Variants in PTPRN2 observed in about 807,000 individuals in gnomAD.
PTPRN2 encodes the protein protein tyrosine phosphatase receptor type N2, also known as receptor-type tyrosine-protein phosphatase N2.
Under a neutral mutation model 118.8 loss-of-function variants are expected in PTPRN2, and 74 were observed. That is an observed-to-expected ratio of 0.62 (90% CI 0.52 to 0.76). The LOEUF is 0.76. Ranked by LOEUF, PTPRN2 falls within the 30% of genes least tolerant of loss-of-function variation. PTPRN2 has a pLI of 0.00. For missense variants in PTPRN2, 1,481 were observed against 1,394.4 expected, an observed-to-expected ratio of 1.06 and a Z score of -0.99; for synonymous variants, 641 against 608.0, an observed-to-expected ratio of 1.05 and a Z score of -0.80.
intron 12 of PTPRN2, among the ~76,000 whole-genome samples, chr7:157,706,728 G>A (rs1798351617): frequency 6.6e-6 from 1 of 151,374 alleles, no homozygotes; most frequent in African/African-American, 2.4e-5. Flanking sequence ...TGGGAATTGA[G>A]TGAATCTGAC....
At chr7:157,945,381 G>A (rs1800413189) in intron 11 of PTPRN2, among the ~76,000 whole-genome samples, 1 of 151,964 alleles carries the variant, frequency 6.6e-6, no homozygotes, top group Non-Finnish European at 1.5e-5. Flanking sequence ...CCCCCCGCCT[G>A]CCTCTGAAGG....
At chr7:158,259,236 A>G (rs2150919158) in intron 3 of PTPRN2, among the ~76,000 whole-genome samples, 1 of 152,324 alleles carries the variant, frequency 6.6e-6, no homozygotes, top group Admixed American at 6.5e-5. Context: ...TTTGATAACC[A>G]ACACAATGCT....
rs550384223 is a variant in PTPRN2 at position 157,839,974 on chromosome 7, GACC to G, written c.1788+58696_1788+58698del. ...ACTGTGTGGCCACGTGTGACTGTGT[GACC>G]ACATTTGACTGTGTGGCCGTGTGTG... is the stretch of plus-strand genomic sequence containing the variant. On this transcript the variant is annotated intron_variant, in intron 12 of 22. Transcript: ENST00000389418. 1.5e-4 allele frequency among the ~76,000 whole-genome samples: 22 copies of G among 151,616 alleles called. No individual in the cohort carries two copies. The South Asian group carries it at 4.0e-3, about 27-fold the overall frequency.
chr7:158,424,154 C>T (rs570897791), intron 2 of PTPRN2, among the ~76,000 whole-genome samples: 1 of 152,232 alleles, frequency 6.6e-6, no homozygotes, highest in East Asian at 1.9e-4. Context: ...TGCTCTGTGA[C>T]GTACACAAGG....
intron 2 of PTPRN2, among the ~76,000 whole-genome samples, chr7:158,351,015 G>C (rs1332278142): frequency 6.6e-6 from 1 of 152,156 alleles, no homozygotes; most frequent in African/African-American, 2.4e-5. Flanking sequence ...TCCCTGCAGA[G>C]AACAACGGCA....
intron 10 of PTPRN2, among the ~76,000 whole-genome samples, chr7:158,106,144 C>G (rs1006121999): frequency 3.3e-5 from 5 of 152,080 alleles, no homozygotes; most frequent in African/African-American, 1.2e-4. Context: ...AGCTTTTTTT[C>G]TGAGCTTCAT....
intron 2 of PTPRN2, among the ~76,000 whole-genome samples, chr7:158,417,950 C>A (rs12538060): frequency 2.2e-5 from 3 of 135,356 alleles, no homozygotes; most frequent in African/African-American, 5.6e-5. Context: ...TCATGGTGTA[C>A]TACATCGAGA....
intron 13 of PTPRN2, among the ~76,000 whole-genome samples, chr7:157,656,984 C>T (rs563356466): frequency 4.1e-5 from 6 of 146,574 alleles, no homozygotes; most frequent in African/African-American, 1.5e-4. Flanking sequence ...ACACACCACA[C>T]ACATCACACA....
Position 158,231,562 on chromosome 7 carries a change from T to C in PTPRN2, c.278-26289A>G, listed in dbSNP as rs553468881. ...CACCCCATTCTCAGTAATGGACAGA[T>C]CATTCAGGCAAGAAATCAACAAAGA... On this transcript the variant is annotated intron_variant, in intron 3 of 22. Transcript: ENST00000389418. Among the ~76,000 whole-genome samples the C allele has an allele frequency of 1.2e-3, 180 of 152,274 alleles. 1 individual carries two copies. The highest frequency in any genetic ancestry group is 4.3e-3 in the African/African-American group (179 of 41,546).
intron 12 of PTPRN2, among the ~76,000 whole-genome samples, chr7:157,799,854 C>A (rs1268859594): frequency 2.2e-4 from 28 of 126,650 alleles, no homozygotes; most frequent in Middle Eastern, 8.2e-3. Context: ...AGAGGCACCA[C>A]AGCCGGCCCC....
At chr7:158,236,011 T>C (rs1267753900) in intron 3 of PTPRN2, among the ~76,000 whole-genome samples, 1 of 152,036 alleles carries the variant, frequency 6.6e-6, no homozygotes, top group Non-Finnish European at 1.5e-5. Flanking sequence ...GGAGACGTCG[T>C]GGGGGAAACT....
rs1394414670 is a variant in PTPRN2 at position 157,780,733 on chromosome 7, G to A, written c.1789-97796C>T. Reference sequence around the variant, plus strand: ...TGCATGATGGGGCCACACCCAGCACGGAGAGAGCACTTGACACTGTTGCTT... The same window carrying A: ...TGCATGATGGGGCCACACCCAGCACAGAGAGAGCACTTGACACTGTTGCTT... On this transcript the variant is annotated intron_variant, in intron 12 of 22. Coordinates refer to ENST00000389418, the MANE Select transcript of PTPRN2 (RefSeq NM_002847.5). The surrounding 1 kb of genome is among the most constrained non-coding windows in gnomAD (Gnocchi z 4.5). Among the ~76,000 whole-genome samples the A allele has an allele frequency of 6.6e-6, 1 of 152,166 alleles. No individual in the cohort carries two copies. The highest frequency in any genetic ancestry group is 1.5e-5 in the Non-Finnish European group (1 of 68,030).
chr7:158,268,579 AGGGC>A (rs1798061330), intron 3 of PTPRN2, among the ~76,000 whole-genome samples: 3 of 126,152 alleles, frequency 2.4e-5, no homozygotes, highest in East Asian at 2.6e-4. Context: ...GCACGCACAC[AGGGC>A]GGGTGTGAAA....
At chr7:157,564,987 G>GT (rs1336800327) in intron 21 of PTPRN2, among the ~76,000 whole-genome samples, 6 of 152,250 alleles carry the variant, frequency 3.9e-5, no homozygotes, top group African/African-American at 1.4e-4. Context: ...ATGGAAGTTA[G>GT]TGCTGACACA....
intron 11 of PTPRN2, among the ~76,000 whole-genome samples, chr7:157,917,229 C>A (rs1351807320): frequency 6.6e-6 from 1 of 152,272 alleles, no homozygotes; most frequent in Non-Finnish European, 1.5e-5. Flanking sequence ...CTGTTGCAAA[C>A]CGCTCTCTCT....
intron 11 of PTPRN2, among the ~76,000 whole-genome samples, chr7:158,017,876 C>T (rs1035718518): frequency 3.3e-5 from 5 of 152,166 alleles, no homozygotes; most frequent in Admixed American, 6.5e-5. Context: ...ATCGGGGTCC[C>T]CTTCTTTTAA....
chr7:157,841,442 T>A (rs75795900), intron 12 of PTPRN2, among the ~76,000 whole-genome samples: 3,447 of 152,328 alleles, frequency 0.023, 52 homozygotes, highest in Non-Finnish European at 0.035. Context: ...AAGTGAAACT[T>A]GAGTGAAGGA....
At chr7:157,906,729 G>C (rs1259321005) in intron 11 of PTPRN2, among the ~76,000 whole-genome samples, 3 of 152,190 alleles carry the variant, frequency 2.0e-5, no homozygotes, top group African/African-American at 7.2e-5. Flanking sequence ...TGGGCGCTGG[G>C]GCACACGCTG....
chr7:158,437,447 G>A (rs569103321), intron 2 of PTPRN2, among the ~76,000 whole-genome samples: 1 of 152,146 alleles, frequency 6.6e-6, no homozygotes, highest in Non-Finnish European at 1.5e-5. Flanking sequence ...CTTGCTTCTT[G>A]ACAACTGAAA....
Sources: gnomAD v4.1 joint callset for allele counts (sites outside exome capture counted in the v4.1 genomes callset) on GRCh38, gnomAD v4.1.1 for gene constraint, Gnocchi (gnomAD v3.1) non-coding constraint, MANE v1.5 for transcripts, NCBI Gene and HGNC (gene_info 2026-07-23, HGNC 2026-07-21) for gene names.